TANC2: variants seen among roughly 807,000 people sequenced by gnomAD.
The protein encoded by TANC2 is tetratricopeptide repeat, ankyrin repeat and coiled-coil containing 2, also known as protein TANC2.
In TANC2, 26 loss-of-function variants were observed where a neutral mutation model predicts 210.5. The ratio of observed to expected loss-of-function variants is 0.12; its 90% CI spans 0.09 to 0.17. The LOEUF is 0.17. Among genes scored for constraint, TANC2 ranks in the 10% least tolerant of loss-of-function variants. The pLI, the probability that TANC2 is intolerant of heterozygous loss-of-function variation, is 1.00. For missense variants in TANC2, 2,129 were observed against 2,608.9 expected, an observed-to-expected ratio of 0.82 and a Z score of 4.01; for synonymous variants, 931 against 967.1, an observed-to-expected ratio of 0.96 and a Z score of 0.69.
chr17:63,403,997 T>A (rs1235250283), intron 19 of TANC2, among the ~76,000 whole-genome samples: 1 of 152,248 alleles, frequency 6.6e-6, no homozygotes, highest in Non-Finnish European at 1.5e-5. Context: ...TTTTAAAGTT[T>A]GCAAACTGCA....
intron 14 of TANC2, among the ~76,000 whole-genome samples, chr17:63,360,980 CT>C (rs1345499461): frequency 7.2e-5 from 11 of 152,190 alleles, no homozygotes; most frequent in Non-Finnish European, 1.6e-4. Context: ...GGGCCTCATT[CT>C]TTTTTATGGC....
intron 8 of TANC2, among the ~76,000 whole-genome samples, chr17:63,262,065 G>A (rs1323789425): frequency 6.6e-6 from 1 of 152,080 alleles, no homozygotes; most frequent in African/African-American, 2.4e-5. Context: ...ATAAAATAAG[G>A]GAAAGGAGGC....
In TANC2 at chr17:62,999,316, TGCTTC is replaced by T. The variant is rs1598218081; in HGVS notation, c.-23-10220_-23-10216del. Reference sequence around the variant, plus strand: ...TCCCCAGAAGCAGGTGGTGGAGCTGTGCTTCCTGTACAGCCTGCAGAACTGCAAGC... The same window carrying T: ...TCCCCAGAAGCAGGTGGTGGAGCTGTCTGTACAGCCTGCAGAACTGCAAGC... On this transcript the variant is annotated intron_variant, in intron 1 of 27. Transcript: ENST00000689528. 7.2e-5 allele frequency among the ~76,000 whole-genome samples: 11 copies of T among 152,338 alleles called. No individual in the cohort carries two copies. In the East Asian group the frequency reaches 2.1e-3, roughly 29 times the overall value.
chr17:63,136,583 A>G (rs547160475), intron 4 of TANC2, among the ~76,000 whole-genome samples: 1 of 152,316 alleles, frequency 6.6e-6, no homozygotes, highest in African/African-American at 2.4e-5. Flanking sequence ...AGTATATAAA[A>G]CAGACAAAGG....
intron 11 of TANC2, among the ~76,000 whole-genome samples, chr17:63,323,166 A>G (rs1464074357): frequency 6.6e-6 from 1 of 152,242 alleles, no homozygotes; most frequent in East Asian, 1.9e-4. Flanking sequence ...AGGATTTTCA[A>G]ATTAGTTAAT....
chr17:63,124,833 A>G (rs761151415), intron 4 of TANC2, among the ~76,000 whole-genome samples: 1 of 152,120 alleles, frequency 6.6e-6, no homozygotes, highest in Non-Finnish European at 1.5e-5. Context: ...TGAAATGCAC[A>G]TCTGAGGGAT....
intron 4 of TANC2, among the ~76,000 whole-genome samples, chr17:63,142,070 G>A (rs910569744): frequency 4.6e-5 from 7 of 152,088 alleles, no homozygotes; most frequent in Admixed American, 4.6e-4. Context: ...TACACTGTTG[G>A]TATAAAGTCT....
intron 8 of TANC2, among the ~76,000 whole-genome samples, chr17:63,240,690 C>T (rs1263143066): frequency 6.6e-6 from 1 of 152,162 alleles, no homozygotes; most frequent in African/African-American, 2.4e-5. Context: ...CTCAGAAAGC[C>T]ATCAGGACCA....
chr17:63,095,674 G>A lies in TANC2; in HGVS notation c.140-3501G>A, dbSNP rs148587149. Among the ~76,000 whole-genome samples the A allele has an allele frequency of 9.2e-5, 14 of 152,222 alleles. No individual in the cohort carries two copies. The East Asian group carries it at 2.7e-3, about 29-fold the overall frequency. ...TGCCCAACCTAGATCAGCTGACTCAGAGTCAGTCTGAAGGCTCATGAGCAT... is the reference window on the plus strand; with the variant it reads ...TGCCCAACCTAGATCAGCTGACTCAAAGTCAGTCTGAAGGCTCATGAGCAT... On this transcript the variant is annotated intron_variant, in intron 3 of 27. Transcript: ENST00000689528.
In TANC2 at chr17:63,290,236, C is replaced by T. The variant is rs183818936; in HGVS notation, c.1159+22363C>T. Among the ~76,000 whole-genome samples, 107 of 152,282 alleles carry T rather than the reference C, an allele frequency of 7.0e-4. 1 individual carries two copies. Among genetic ancestry groups the T allele is most frequent in the African/African-American group, 2.5e-3 (105 of 41,558 alleles). On this transcript the variant is annotated intron_variant, in intron 9 of 27. Coordinates refer to ENST00000689528, the Ensembl canonical transcript of TANC2. ...TAAGTCACACAAAATGGTGGCGGCC[C>T]CCATCTCTGAGTGCCCCTGGAGTTG...
chr17:62,969,884 T>C (rs1036219615), intron 1 of TANC2, among the ~76,000 whole-genome samples: 5 of 152,216 alleles, frequency 3.3e-5, no homozygotes, highest in African/African-American at 1.2e-4. Context: ...TTAGCACAAA[T>C]GGATTAGATG....
intron 2 of TANC2, among the ~76,000 whole-genome samples, chr17:63,038,421 A>G (rs1458425655): frequency 1.3e-5 from 2 of 152,006 alleles, no homozygotes; most frequent in Non-Finnish European, 1.5e-5. Context: ...TTTATTTTCT[A>G]ATATTTTGTT....
intron 5 of TANC2, among the ~76,000 whole-genome samples, chr17:63,158,164 A>G (rs930182146): frequency 2.0e-4 from 31 of 152,170 alleles, no homozygotes; most frequent in African/African-American, 7.0e-4. Flanking sequence ...GCTTGAGTTC[A>G]GTTCTGGCTG....
intron 1 of TANC2, among the ~76,000 whole-genome samples, chr17:62,994,258 C>T (rs560663427): frequency 2.6e-5 from 4 of 151,892 alleles, no homozygotes; most frequent in African/African-American, 9.7e-5. Flanking sequence ...ACTGCACCCT[C>T]TGCCTCCTGG....
intron 11 of TANC2, among the ~76,000 whole-genome samples, chr17:63,327,770 C>A (rs183672935): frequency 6.6e-6 from 1 of 152,114 alleles, no homozygotes; most frequent in African/African-American, 2.4e-5. Context: ...AGAATGAAAT[C>A]ATTCATGGTT....
chr17:63,370,182 C>CT (rs568393678), intron 14 of TANC2, among the ~76,000 whole-genome samples: 11,121 of 131,066 alleles, frequency 0.085, 1,371 homozygotes, highest in African/African-American at 0.27. Flanking sequence ...CTTTTTTTTT[C>CT]TTTTTTTTTT....
chr17:62,973,052 G>T, intron 1 of TANC2, among the ~76,000 whole-genome samples: 2 of 148,238 alleles, frequency 1.3e-5, no homozygotes, highest in Non-Finnish European at 1.5e-5. Context: ...TTTTTTACAC[G>T]GCGTCTCACT....
intron 9 of TANC2, among the ~76,000 whole-genome samples, chr17:63,287,689 T>A (rs574199770): frequency 0.029 from 4,415 of 149,674 alleles, 79 homozygotes; most frequent in Admixed American, 0.053. Flanking sequence ...TGTATATATT[T>A]TTTTTTTTTT....
At chr17:63,314,809 A>G in intron 10 of TANC2, 140 bp downstream of exon 10, 1 of 1,118,556 alleles carries the variant, frequency 8.9e-7, no homozygotes, top group Non-Finnish European at 1.3e-6. Context: ...TTAGGTTGAG[A>G]GAAAGATTGT....
Sources: allele counts gnomAD v4.1 joint callset (sites outside exome capture counted in the v4.1 genomes callset), GRCh38; gene constraint gnomAD v4.1.1; transcripts MANE v1.5; gene names NCBI Gene and HGNC (gene_info 2026-07-23, HGNC 2026-07-21).